Variants in ST6GAL1 observed in about 807,000 individuals in gnomAD.
The protein encoded by ST6GAL1 is beta-galactoside alpha-2,6-sialyltransferase 1.
A neutral mutation model predicts 38.0 loss-of-function variants in ST6GAL1; 20 were observed. The observed-to-expected ratio is 0.53, with a 90% CI of 0.37 to 0.77. The LOEUF is 0.77. Ranked by LOEUF, ST6GAL1 falls within the 30% of genes least tolerant of loss-of-function variation. ST6GAL1 has a pLI of 0.00. For synonymous variants in ST6GAL1, 196 were observed against 188.2 expected (o/e 1.04, Z -0.34); for missense variants, 432 against 496.4 (o/e 0.87, Z 1.23).
intron 5 of ST6GAL1, among the ~76,000 whole-genome samples, chr3:187,056,657 C>G (rs1198115550): frequency 6.6e-6 from 1 of 152,208 alleles, no homozygotes; most frequent in Non-Finnish European, 1.5e-5. Flanking sequence ...TGTAGAGTTT[C>G]TGCTGAGAGA....
At position 187,075,667 on chromosome 3, in the gene ST6GAL1, G is replaced by C; in HGVS notation, c.1085G>C (p.Ser362Thr). 6.2e-7 allele frequency: 1 copy of C among 1,614,214 alleles called. No individual in the cohort carries two copies. Among genetic ancestry groups the C allele is most frequent in the South Asian group, 1.1e-5 (1 of 91,086 alleles). Reference protein sequence around the residue: ...VCYYYQKFFDSACTMGAYHPL... With the variant: ...VCYYYQKFFDTACTMGAYHPL... Reference sequence around the variant, plus strand: ...TACTACTACCAGAAGTTCTTCGATAGTGCCTGCACGATGGGTGCCTACCAC... The same window carrying C: ...TACTACTACCAGAAGTTCTTCGATACTGCCTGCACGATGGGTGCCTACCAC... Residue 362 changes from serine to threonine, a missense_variant, in exon 8 of 8, where the codon AGT becomes ACT. Coordinates refer to ENST00000169298, the MANE Select transcript of ST6GAL1 (RefSeq NM_173216.2). This position sits in a 1 kb window ranked among gnomAD's most constrained non-coding sequence, Gnocchi z 4.1.
intron 2 of ST6GAL1, chr3:187,006,502 C>T (rs577134458): frequency 1.3e-5 from 2 of 152,304 alleles, no homozygotes; most frequent in East Asian, 1.9e-4. Flanking sequence ...TGTAGAGTTA[C>T]GGCAACCTGT....
chr3:187,020,190 G>A (rs528536333), intron 2 of ST6GAL1, among the ~76,000 whole-genome samples: 7 of 152,098 alleles, frequency 4.6e-5, no homozygotes, highest in Admixed American at 3.3e-4. Flanking sequence ...CCAGCTACTC[G>A]GGAGGCTGAG....
chr3:187,064,459 G>C (rs1224102785), intron 5 of ST6GAL1: 1 of 454,620 alleles, frequency 2.2e-6, no homozygotes, highest in African/African-American at 2.0e-5. Flanking sequence ...GGGAGGAAGA[G>C]TGTGCTCAGA....
At chr3:187,011,332 C>T (rs1716950871) in intron 2 of ST6GAL1, among the ~76,000 whole-genome samples, 1 of 152,242 alleles carries the variant, frequency 6.6e-6, no homozygotes, top group South Asian at 2.1e-4. Flanking sequence ...TCGTTCTTCA[C>T]TTTGAAGATG....
intron 1 of ST6GAL1, among the ~76,000 whole-genome samples, chr3:186,955,872 G>A (rs1254914268): frequency 6.6e-6 from 1 of 152,128 alleles, no homozygotes; most frequent in Non-Finnish European, 1.5e-5. Flanking sequence ...TCCCTTGTTA[G>A]GGGTATTCCA....
intron 2 of ST6GAL1, among the ~76,000 whole-genome samples, chr3:186,973,003 C>G (rs781470516): frequency 6.6e-6 from 1 of 152,152 alleles, no homozygotes; most frequent in Non-Finnish European, 1.5e-5. Flanking sequence ...GGCTCTGGAT[C>G]ACCGCTGGGA....
chr3:186,998,568 G>A (rs77346706), intron 2 of ST6GAL1, among the ~76,000 whole-genome samples: 10,713 of 152,166 alleles, frequency 0.07, 419 homozygotes, highest in Middle Eastern at 0.15. Flanking sequence ...GTAGAAGGAG[G>A]GCGAGGGGGA....
At chr3:187,071,776 C>CAAAAAAAAAAAAAAAAAA (rs11330261) in intron 5 of ST6GAL1, among the ~76,000 whole-genome samples, 11 of 72,320 alleles carry the variant, frequency 1.5e-4, no homozygotes, top group East Asian at 9.2e-4. Context: ...GACTCCGCCT[C>CAAAAAAAAAAAAAAAAAA]AAAAAAAAAA....
At chr3:187,013,233 G>C (rs1003532531) in intron 2 of ST6GAL1, among the ~76,000 whole-genome samples, 6 of 152,140 alleles carry the variant, frequency 3.9e-5, no homozygotes, top group Non-Finnish European at 8.8e-5. Context: ...GCACTGTCTG[G>C]AGAGACTTAA....
chr3:186,979,650 G>A lies in ST6GAL1; in HGVS notation c.-183+15724G>A, dbSNP rs28637560. ...TAATAGCTGCTCCTAAGAATGCAAC[G>A]TGAGCTGAATTCAAACATGAATTTG... On this transcript the variant is annotated intron_variant, in intron 2 of 7. Transcript: ENST00000169298. Among the ~76,000 whole-genome samples, 1,163 of 152,272 alleles carry A rather than the reference G, an allele frequency of 7.6e-3. 10 individuals carry two copies. The highest frequency in any genetic ancestry group is 0.027 in the African/African-American group (1,111 of 41,532).
chr3:186,987,981 C>T (rs1716011779), intron 2 of ST6GAL1, among the ~76,000 whole-genome samples: 1 of 152,226 alleles, frequency 6.6e-6, no homozygotes, highest in Non-Finnish European at 1.5e-5. Flanking sequence ...CCTAGCTTCT[C>T]ATACCTCTGC....
At chr3:186,983,390 CAA>C (rs753376809) in intron 2 of ST6GAL1, among the ~76,000 whole-genome samples, 20 of 152,126 alleles carry the variant, frequency 1.3e-4, no homozygotes, top group African/African-American at 3.1e-4. Context: ...AATGAGAAAA[CAA>C]AGAGAGGGAG....
chr3:186,949,270 G>A (rs1016707699), intron 1 of ST6GAL1, among the ~76,000 whole-genome samples: 1 of 152,174 alleles, frequency 6.6e-6, no homozygotes, highest in Non-Finnish European at 1.5e-5. Context: ...AGGGAAGAAG[G>A]CAGCTAGGGA....
Position 186,930,744 on chromosome 3 carries a change from G to A in ST6GAL1, c.-415G>A, listed in dbSNP as rs1384354227. ...GGGGCACTGCCCGGCGTTAACAAAG[G>A]GAGCCGATACCGACCGGCGTGGGCG... On this transcript the variant is annotated 5_prime_UTR_variant, in exon 1 of 8. Transcript: ENST00000169298. The A allele has an allele frequency of 6.6e-6, 1 of 152,282 alleles. No homozygotes were observed. The highest frequency in any genetic ancestry group is 1.5e-5 in the Non-Finnish European group (1 of 68,134). 9.4% of individuals were successfully genotyped at this position (152,282 alleles called of 1,614,324 possible).
At chr3:187,030,433 C>T (rs1717704694) in intron 2 of ST6GAL1, among the ~76,000 whole-genome samples, 2 of 152,030 alleles carry the variant, frequency 1.3e-5, no homozygotes, top group South Asian at 4.2e-4. Context: ...TATAGTTATT[C>T]ATTTTTTATT....
At chr3:187,041,417 T>C (rs1718121294) in intron 3 of ST6GAL1, among the ~76,000 whole-genome samples, 2 of 152,212 alleles carry the variant, frequency 1.3e-5, no homozygotes, top group South Asian at 4.1e-4. Context: ...AACCCAGTGA[T>C]TGGGGAAAGA....
At chr3:187,021,506 G>T (rs1012184680) in intron 2 of ST6GAL1, among the ~76,000 whole-genome samples, 1 of 152,018 alleles carries the variant, frequency 6.6e-6, no homozygotes, top group Non-Finnish European at 1.5e-5. Context: ...TTGGGAGGCC[G>T]AGGTGGGTGG....
intron 2 of ST6GAL1, among the ~76,000 whole-genome samples, chr3:187,022,453 A>G (rs1396791453): frequency 1.3e-5 from 2 of 152,100 alleles, no homozygotes; most frequent in Non-Finnish European, 2.9e-5. Flanking sequence ...GAGTCAAGTT[A>G]TTGTCTAGTG....
Sources: gnomAD v4.1 joint callset for allele counts (sites outside exome capture counted in the v4.1 genomes callset) on GRCh38, gnomAD v4.1.1 for gene constraint, Gnocchi (gnomAD v3.1) non-coding constraint, MANE v1.5 for transcripts, NCBI Gene and HGNC (gene_info 2026-07-23, HGNC 2026-07-21) for gene names.